The following ASPRV1 variants were observed in gnomAD, a reference collection of about 807,000 sequenced individuals.
ASPRV1 encodes the protein aspartic peptidase retroviral like 1.
A neutral mutation model predicts 11.0 loss-of-function variants in ASPRV1; 7 were observed. The ratio of observed to expected loss-of-function variants is 0.64; its 90% CI spans 0.36 to 1.20. The LOEUF is 1.20. ASPRV1 is among the 50% of genes most tolerant of loss of function. The pLI, the probability that ASPRV1 is intolerant of heterozygous loss-of-function variation, is 0.02. For synonymous variants in ASPRV1, 136 were observed against 138.4 expected, an observed-to-expected ratio of 0.98 and a Z score of 0.12; for missense variants, 299 against 320.0, an observed-to-expected ratio of 0.93 and a Z score of 0.50.
chr2:70,058,169 C>T, the ASPRV1 span, among the ~76,000 whole-genome samples: 6 of 152,350 alleles, frequency 3.9e-5, no homozygotes, highest in South Asian at 6.2e-4. Context: ...ATGAAATACA[C>T]ATCATCTTCT....
At chr2:69,968,690 G>A in the ASPRV1 span, among the ~76,000 whole-genome samples, 3 of 152,216 alleles carry the variant, frequency 2.0e-5, no homozygotes, top group Non-Finnish European at 4.4e-5. Context: ...AGTAAGCAAA[G>A]GCTGTGCCAA....
At chr2:70,032,247 T>C in the ASPRV1 span, 1 of 152,202 alleles carries the variant, frequency 6.6e-6, no homozygotes, top group African/African-American at 2.4e-5. Context: ...ATCAACCAGG[T>C]CCTCCTCCCT....
chr2:70,004,556 T>C, the ASPRV1 span, among the ~76,000 whole-genome samples: 1 of 128,396 alleles, frequency 7.8e-6, no homozygotes, highest in African/African-American at 2.9e-5. Flanking sequence ...AAAAAAGAAG[T>C]GGGGTAATTG....
At chr2:70,037,631 G>A in the ASPRV1 span, among the ~76,000 whole-genome samples, 2 of 145,936 alleles carry the variant, frequency 1.4e-5, no homozygotes, top group Non-Finnish European at 3.0e-5. Context: ...ATTTTTTTGT[G>A]GTATTTTTTT....
the ASPRV1 span, among the ~76,000 whole-genome samples, chr2:70,027,148 C>T: frequency 0.012 from 1,763 of 148,692 alleles, 37 homozygotes; most frequent in African/African-American, 0.04. Flanking sequence ...GTCCCAGCTA[C>T]GCAGGAGGCT....
chr2:70,028,202 C>T, the ASPRV1 span, among the ~76,000 whole-genome samples: 1 of 152,170 alleles, frequency 6.6e-6, no homozygotes, highest in Non-Finnish European at 1.5e-5. Context: ...GCTGTTGGCA[C>T]TCTTTTCCAC....
the ASPRV1 span, among the ~76,000 whole-genome samples, chr2:69,949,059 G>C: frequency 6.6e-6 from 1 of 152,138 alleles, no homozygotes; most frequent in South Asian, 2.1e-4. Context: ...CAGCTCCCTG[G>C]TCACTTTCTA....
At chr2:70,073,782 G>C in the ASPRV1 span, among the ~76,000 whole-genome samples, 1 of 151,948 alleles carries the variant, frequency 6.6e-6, no homozygotes, top group African/African-American at 2.4e-5. Context: ...CCTTCTTCAG[G>C]GAGACGGCTC....
At chr2:69,998,222 G>T in the ASPRV1 span, 7 of 151,768 alleles carry the variant, frequency 4.6e-5, no homozygotes, top group African/African-American at 9.7e-5. Context: ...AACGCTAAAA[G>T]AAGTCTCTTG....
At chr2:69,943,048 CT>C in the ASPRV1 span, 2 of 152,134 alleles carry the variant, frequency 1.3e-5, no homozygotes, top group African/African-American at 4.8e-5. Flanking sequence ...TTAAGGGAAA[CT>C]TCACTAGCTA....
the ASPRV1 span, among the ~76,000 whole-genome samples, chr2:69,950,387 G>C: frequency 2.0e-5 from 3 of 152,164 alleles, no homozygotes; most frequent in Non-Finnish European, 4.4e-5. Context: ...ATCTGTTTGA[G>C]AATACTACAC....
chr2:70,045,633 A>G, the ASPRV1 span: 1 of 152,208 alleles, frequency 6.6e-6, no homozygotes, highest in Non-Finnish European at 1.5e-5. Flanking sequence ...CTGGGTTTCC[A>G]TATTAACTCT....
the ASPRV1 span, among the ~76,000 whole-genome samples, chr2:70,033,302 C>CAT: frequency 2.0e-5 from 3 of 151,214 alleles, no homozygotes; most frequent in Non-Finnish European, 4.4e-5. Flanking sequence ...CACACACACA[C>CAT]ACACACACAC....
the ASPRV1 span, chr2:70,019,315 A>G: frequency 6.6e-6 from 1 of 152,212 alleles, no homozygotes; most frequent in South Asian, 2.1e-4. Flanking sequence ...TACTGACGCA[A>G]ATGTGAATTA....
At chr2:69,985,563 G>A in the ASPRV1 span, among the ~76,000 whole-genome samples, 83 of 152,276 alleles carry the variant, frequency 5.5e-4, no homozygotes, top group African/African-American at 1.9e-3. Flanking sequence ...TCCATCCATT[G>A]GCCAACCCAT....
upstream of ASPRV1, chr2:69,963,564 G>C (rs1678214129): frequency 2.4e-6 from 1 of 412,020 alleles, no homozygotes; most frequent in Non-Finnish European, 4.9e-6. Flanking sequence ...CAGGTGGCTT[G>C]TCAGCTGACA....
the ASPRV1 span, among the ~76,000 whole-genome samples, chr2:70,065,983 A>G: frequency 2.0e-5 from 3 of 152,064 alleles, no homozygotes; most frequent in African/African-American, 7.2e-5. Flanking sequence ...TGAGGTGGGA[A>G]GATCACTTGA....
At chr2:70,067,734 A>G in the ASPRV1 span, among the ~76,000 whole-genome samples, 13 of 152,230 alleles carry the variant, frequency 8.5e-5, no homozygotes, top group African/African-American at 3.1e-4. Context: ...ATAAACACAC[A>G]GGAAGAAGTA....
the ASPRV1 span, among the ~76,000 whole-genome samples, chr2:69,978,575 C>T: frequency 3.9e-5 from 6 of 152,248 alleles, no homozygotes; most frequent in African/African-American, 4.8e-5. Flanking sequence ...CTGATGATTA[C>T]GCAGAGCTAC....
Sources: gnomAD v4.1 joint callset for allele counts (sites outside exome capture counted in the v4.1 genomes callset) on GRCh38, gnomAD v4.1.1 for gene constraint, MANE v1.5 for transcripts, NCBI Gene and HGNC (gene_info 2026-07-23, HGNC 2026-07-21) for gene names.